Variants in GNPNAT1 observed in about 807,000 individuals in gnomAD.
GNPNAT1 encodes the protein glucosamine 6-phosphate N-acetyltransferase.
Under a neutral mutation model 19.8 loss-of-function variants are expected in GNPNAT1, and 11 were observed. The observed-to-expected ratio is 0.56, with a 90% confidence interval of 0.35 to 0.92. The LOEUF is 0.92. Ranked by LOEUF, GNPNAT1 falls within the 40% of genes least tolerant of loss-of-function variation. The probability of loss-of-function intolerance (pLI) is 0.01; values close to 1 mark genes in which losing one functional copy is unlikely to be tolerated. For synonymous variants in GNPNAT1, 71 were observed against 72.3 expected (o/e 0.98, Z 0.09); for missense variants, 157 against 211.0 (o/e 0.74, Z 1.59).
intron 2 of GNPNAT1, among the ~76,000 whole-genome samples, 158 bp downstream of exon 2, chr14:52,784,339 C>T (rs1173026009): frequency 6.6e-6 from 1 of 152,092 alleles, no homozygotes; most frequent in Non-Finnish European, 1.5e-5. Flanking sequence ...TTAGCCATGA[C>T]ACACACTCAT....
chr14:52,780,818 GATA>G (rs917209235), intron 4 of GNPNAT1, 78 bp from the exon 5 acceptor site: 9 of 825,192 alleles, frequency 1.1e-5, no homozygotes, highest in African/African-American at 3.4e-5. Context: ...AGAATTTACT[GATA>G]ATAAGTAGTA....
intron 3 of GNPNAT1, 53 bp from the exon 4 acceptor site, chr14:52,781,964 G>A: frequency 6.7e-7 from 1 of 1,494,438 alleles, no homozygotes; most frequent in Non-Finnish European, 9.0e-7. Context: ...ATTTTATGGG[G>A]AGCCAGAAAA....
rs1372488146 is a variant in GNPNAT1 at position 52,791,202 on chromosome 14, C to G, written c.-15+226G>C. 6.6e-6 allele frequency among the ~76,000 whole-genome samples: 1 copy of G among 152,190 alleles called. No homozygotes were observed. The highest frequency in any genetic ancestry group is 1.5e-5 in the Non-Finnish European group (1 of 68,024). On this transcript the variant is annotated intron_variant, in intron 1 of 5. Transcript: ENST00000216410. This position sits in a 1 kb window ranked among gnomAD's most constrained non-coding sequence, Gnocchi z 4.1. ...GTATGGCCGGACCGCTGGCCATCAT[C>G]CTTAACCTCTGCTCCAGGCGCGCGT...
intron 1 of GNPNAT1, among the ~76,000 whole-genome samples, chr14:52,790,166 G>C (rs1180260860): frequency 6.6e-6 from 1 of 152,104 alleles, no homozygotes; most frequent in African/African-American, 2.4e-5. Context: ...AATACGAATG[G>C]GGAGAGAGGC....
At chr14:52,782,981 T>C (rs1192765317) in intron 3 of GNPNAT1, among the ~76,000 whole-genome samples, 2 of 152,056 alleles carry the variant, frequency 1.3e-5, no homozygotes, top group South Asian at 2.1e-4. Context: ...TTTTCTCCTA[T>C]GTCTAAAAGA....
chr14:52,780,577 T>G, intron 5 of GNPNAT1, 102 bp downstream of exon 5: 2 of 739,986 alleles, frequency 2.7e-6, no homozygotes, highest in Non-Finnish European at 4.8e-6. Flanking sequence ...TGAGAATAAG[T>G]TCAGAATTAA....
chr14:52,782,200 C>A (rs145676134), intron 3 of GNPNAT1, among the ~76,000 whole-genome samples: 2 of 152,050 alleles, frequency 1.3e-5, no homozygotes, highest in African/African-American at 2.4e-5. Flanking sequence ...GATGTTGCCA[C>A]TTCCATGACT....
At chr14:52,786,020 G>C (rs1883009021) in intron 1 of GNPNAT1, among the ~76,000 whole-genome samples, 1 of 148,106 alleles carries the variant, frequency 6.8e-6, no homozygotes, top group South Asian at 2.2e-4. Flanking sequence ...CAAAGTGCTG[G>C]GATTACAGGT....
chr14:52,776,334 A>T lies in GNPNAT1; in HGVS notation c.*1977T>A, dbSNP rs1224257039. On this transcript the variant is annotated 3_prime_UTR_variant, in exon 6 of 6. Coordinates refer to ENST00000216410, the MANE Select transcript of GNPNAT1 (RefSeq NM_198066.4). ...CCATATGGCTTCAAAAATCATAAAC[A>T]TACTCAACTAAAATTACAGATCACC... 1.3e-5 allele frequency: 2 copies of T among 152,216 alleles called. No individual in the cohort carries two copies. Among genetic ancestry groups the T allele is most frequent in the Non-Finnish European group, 2.9e-5 (2 of 68,044 alleles). The allele number at this position is 152,216 out of a possible 1,614,324, so 9.4% of individuals were successfully genotyped here.
At chr14:52,789,035 C>T (rs1355507627) in intron 1 of GNPNAT1, among the ~76,000 whole-genome samples, 2 of 152,074 alleles carry the variant, frequency 1.3e-5, no homozygotes, top group Non-Finnish European at 2.9e-5. Context: ...TCATTATTAT[C>T]CCAATTTTAC....
intron 3 of GNPNAT1, among the ~76,000 whole-genome samples, chr14:52,783,061 C>T (rs1882931054): frequency 6.6e-6 from 1 of 151,824 alleles, no homozygotes; most frequent in Non-Finnish European, 1.5e-5. Flanking sequence ...ACAAATAAAC[C>T]CCAAAATAAA....
chr14:52,786,326 G>C (rs1023836573), intron 1 of GNPNAT1, among the ~76,000 whole-genome samples: 1 of 151,578 alleles, frequency 6.6e-6, no homozygotes. Context: ...CCAACATGGC[G>C]AAACCCTGTC....
In GNPNAT1 at chr14:52,775,700, TG is replaced by T. The variant is rs1882691057; in HGVS notation, c.*2610del. 2 of 151,572 alleles carry T rather than the reference TG, an allele frequency of 1.3e-5. No homozygotes were observed. The highest frequency in any genetic ancestry group is 4.2e-4 in the South Asian group (2 of 4,788). The allele number at this position is 151,572 out of a possible 1,614,324, so 9.4% of individuals were successfully genotyped here. ...TGAGCTCAGGAGTTTGAGACCGGCT[TG>T]GGCAATATAGTAAGACCCCACAGAA... On this transcript the variant is annotated 3_prime_UTR_variant, in exon 6 of 6. Transcript: ENST00000216410.
intron 3 of GNPNAT1, 72 bp downstream of exon 3, chr14:52,783,351 C>A: frequency 1.1e-6 from 1 of 897,200 alleles, no homozygotes; most frequent in Non-Finnish European, 1.8e-6. Context: ...CAGAAGTGGG[C>A]ACTGAACAGC....
At chr14:52,788,657 A>G (rs1461618536) in intron 1 of GNPNAT1, among the ~76,000 whole-genome samples, 1 of 152,244 alleles carries the variant, frequency 6.6e-6, no homozygotes, top group Non-Finnish European at 1.5e-5. Flanking sequence ...TGGTCTTGCT[A>G]TTAAACATAT....
At chr14:52,779,741 A>AAAC (rs1882841626) in intron 5 of GNPNAT1, among the ~76,000 whole-genome samples, 1 of 151,016 alleles carries the variant, frequency 6.6e-6, no homozygotes, top group East Asian at 1.9e-4. Flanking sequence ...AAAAAAAAAA[A>AAAC]AAAAAAAAAC....
In GNPNAT1 at chr14:52,780,680, A is replaced by G. The variant is rs371406305; in HGVS notation, c.406T>C (p.Leu136=). ...GTTACCTTGTTTCTGCCTACTTACA[A>G]TTTGCCAAGCTGCTTTCCTCTGCAT... is the stretch of plus-strand genomic sequence containing the variant. ...DECRGKQLGK[L]LLSTLTLLSK... The change falls in exon 5 of 6, where the codon TTG becomes CTG. Residue 136 remains leucine, a splice_region_variant and synonymous_variant. Transcript: ENST00000216410. 1.9e-6 allele frequency: 3 copies of G among 1,599,216 alleles called. No individual in the cohort carries two copies. Among genetic ancestry groups the G allele is most frequent in the African/African-American group, 2.7e-5 (2 of 74,594 alleles).
At position 52,790,289 on chromosome 14, in the gene GNPNAT1, G is replaced by A. The variant is rs73298736; in HGVS notation, c.-15+1139C>T. Among the ~76,000 whole-genome samples, 691 of 152,276 alleles carry A rather than the reference G, an allele frequency of 4.5e-3. 2 individuals carry two copies. Among genetic ancestry groups the A allele is most frequent in the African/African-American group, 0.016 (649 of 41,560 alleles). ...ACAATCTAAGGCCAAATCTAAACCA[G>A]CCTATGTATTTCTCAAGAGCTCCTG... On this transcript the variant is annotated intron_variant, in intron 1 of 5. Transcript: ENST00000216410.
chr14:52,783,374 T>G lies in GNPNAT1; in HGVS notation c.217+49A>C, dbSNP rs1262400239. 5 of 1,271,506 alleles carry G rather than the reference T, an allele frequency of 3.9e-6. No homozygotes were observed. In the African/African-American group the frequency reaches 7.5e-5, roughly 19 times the overall value. The allele number at this position is 1,271,506 out of a possible 1,614,324, so 78.8% of individuals were successfully genotyped here. On this transcript the variant is annotated intron_variant, in intron 3 of 5. Transcript: ENST00000216410. Reference sequence around the variant, plus strand: ...GGCACTGAACAGCTCTAAACAAAAATGAAATCATGTTTCCCTTTATTTCAG... The same window carrying G: ...GGCACTGAACAGCTCTAAACAAAAAGGAAATCATGTTTCCCTTTATTTCAG...
Sources: gnomAD v4.1 joint callset for allele counts (sites outside exome capture counted in the v4.1 genomes callset) on GRCh38, gnomAD v4.1.1 for gene constraint, Gnocchi (gnomAD v3.1) non-coding constraint, MANE v1.5 for transcripts, NCBI Gene and HGNC (gene_info 2026-07-23, HGNC 2026-07-21) for gene names.